Variants in GADL1 observed in about 807,000 individuals in gnomAD.
The protein encoded by GADL1 is acidic amino acid decarboxylase GADL1.
In GADL1, 71 loss-of-function variants were observed where a neutral mutation model predicts 69.5. That is an observed-to-expected ratio of 1.02 (90% CI 0.84 to 1.25). The LOEUF is 1.25. Among genes scored for constraint, GADL1 ranks in the 50% most tolerant of loss-of-function variants. The probability of loss-of-function intolerance (pLI) is 0.00; values close to 1 mark genes in which losing one functional copy is unlikely to be tolerated. For synonymous variants in GADL1, 254 were observed against 214.4 expected (o/e 1.18, Z -1.62); for missense variants, 737 against 631.8 (o/e 1.17, Z -1.79).
intron 1 of GADL1, among the ~76,000 whole-genome samples, chr3:30,883,916 A>C (rs1698673855): frequency 1.3e-5 from 2 of 152,062 alleles, no homozygotes. Flanking sequence ...TTTTTAAATA[A>C]AAATTTTAAT....
At chr3:30,766,138 A>T (rs1203721150) in intron 14 of GADL1, among the ~76,000 whole-genome samples, 1 of 152,210 alleles carries the variant, frequency 6.6e-6, no homozygotes, top group Non-Finnish European at 1.5e-5. Flanking sequence ...ATCATTCCCC[A>T]TTCAGAGGAA....
chr3:30,851,663 T>C (rs1698149319), intron 4 of GADL1, among the ~76,000 whole-genome samples: 1 of 151,880 alleles, frequency 6.6e-6, no homozygotes, highest in African/African-American at 2.4e-5. Context: ...CTGCTGGAGA[T>C]GTAAAGGCCT....
chr3:30,728,174 C>G lies in GADL1; in HGVS notation c.*68G>C. ...AGAAGGGCTGCAATCTACTGTGTAT[C>G]TCCAAGATGTTCTGGATCTAAACTC... On this transcript the variant is annotated 3_prime_UTR_variant, in exon 15 of 15. Transcript: ENST00000282538. 7.2e-7 allele frequency: 1 copy of G among 1,391,280 alleles called. No homozygotes were observed. Among genetic ancestry groups the G allele is most frequent in the East Asian group, 2.3e-5 (1 of 43,384 alleles). 86.2% of individuals were successfully genotyped at this position (1,391,280 alleles called of 1,614,324 possible).
intron 13 of GADL1, chr3:30,778,715 C>T (rs1696593201): frequency 6.4e-6 from 1 of 156,382 alleles, no homozygotes; most frequent in Non-Finnish European, 1.4e-5. Context: ...CTTTGATTAC[C>T]TGTGAGATGA....
Position 30,761,763 on chromosome 3 carries a change from CTT to C in GADL1, c.1392+16414_1392+16415del, listed in dbSNP as rs1276668678. Among the ~76,000 whole-genome samples the C allele has an allele frequency of 7.2e-5, 11 of 152,264 alleles. No homozygotes were observed. The South Asian group carries it at 1.7e-3, about 23-fold the overall frequency. ...ACCAGTAAGTAAAAAATCTGGAACA[CTT>C]TTTCTACCTTATCACTAGAGCATCC... On this transcript the variant is annotated intron_variant, in intron 14 of 14. Transcript: ENST00000282538.
intron 11 of GADL1, among the ~76,000 whole-genome samples, chr3:30,822,421 A>G (rs1697598881): frequency 1.3e-5 from 2 of 152,062 alleles, no homozygotes; most frequent in South Asian, 4.1e-4. Flanking sequence ...CTTTCGTGGT[A>G]ATGATGGCCG....
Position 30,800,930 on chromosome 3 carries a change from T to C in GADL1, c.1209A>G (p.Leu403=), listed in dbSNP as rs1697149629. 6.2e-7 allele frequency: 1 copy of C among 1,612,764 alleles called. No homozygotes were observed. Among genetic ancestry groups the C allele is most frequent in the Non-Finnish European group, 8.5e-7 (1 of 1,179,700 alleles). Residue 403 remains leucine, a synonymous_variant, in exon 12 of 15, where the codon TTA becomes TTG. Transcript: ENST00000282538. The stretch of plus-strand genomic sequence containing the variant: ...CACGATTAACTCTTTCTTCAAGGCC[T>C]AATGTACCCAGGGCCTTCCAGGTCA... ...FWMTWKALGT[L]GLEERVNRAL...
At chr3:30,799,154 TGGGGGCTCTGA>T (rs1343323090) in intron 12 of GADL1, 1 of 152,206 alleles carries the variant, frequency 6.6e-6, no homozygotes, top group Admixed American at 6.5e-5. Context: ...GGACTCTGTG[TGGGGGCTCTGA>T]CCCCACATTT....
intron 14 of GADL1, among the ~76,000 whole-genome samples, chr3:30,731,150 A>G (rs17026443): frequency 0.087 from 13,201 of 152,246 alleles, 1,513 homozygotes; most frequent in African/African-American, 0.26. Flanking sequence ...AGGGCCACAG[A>G]CTATCAGTTT....
At chr3:30,848,273 T>C (rs1290761036) in intron 6 of GADL1, among the ~76,000 whole-genome samples, 1 of 152,164 alleles carries the variant, frequency 6.6e-6, no homozygotes, top group Non-Finnish European at 1.5e-5. Context: ...GTTAAGAATC[T>C]CAGGCTAGAT....
intron 14 of GADL1, among the ~76,000 whole-genome samples, chr3:30,771,940 TAAATG>T (rs762530629): frequency 1.1e-4 from 16 of 152,086 alleles, no homozygotes; most frequent in African/African-American, 2.7e-4. Flanking sequence ...ATTCAGGAAA[TAAATG>T]GGGCAAGGAA....
At chr3:30,854,824 C>CAAAA (rs1559362051) in intron 3 of GADL1, 35 bp from the exon 4 acceptor site, 2 of 1,097,918 alleles carry the variant, frequency 1.8e-6, no homozygotes, top group Non-Finnish European at 1.3e-6. Flanking sequence ...ATCTATGCAG[C>CAAAA]AATAAAAAAA....
chr3:30,891,567 G>C (rs1034461513), intron 1 of GADL1, among the ~76,000 whole-genome samples: 3 of 152,042 alleles, frequency 2.0e-5, no homozygotes, highest in African/African-American at 7.2e-5. Context: ...TAGGAGTGTA[G>C]GGGTGCGGGA....
chr3:30,833,593 T>C (rs1697825749), intron 11 of GADL1, among the ~76,000 whole-genome samples: 1 of 152,090 alleles, frequency 6.6e-6, no homozygotes, highest in South Asian at 2.1e-4. Flanking sequence ...ATCCAAATGA[T>C]GGTGAGAGAG....
rs1696681819 is a variant in GADL1, at chr3:30,782,257, TGG to T, written c.1303-3991_1303-3990del. 2.6e-5 allele frequency among the ~76,000 whole-genome samples: 4 copies of T among 152,256 alleles called. No individual in the cohort carries two copies. In the South Asian group the frequency reaches 8.3e-4, roughly 32 times the overall value. On this transcript the variant is annotated intron_variant, in intron 13 of 14. Coordinates refer to ENST00000282538, the MANE Select transcript of GADL1 (RefSeq NM_207359.3). ...TTGAAAAGCTGCTCTAGCAGCAGTGTGGCAGTTAGGCTGGAGGGATCTAAGAC... is the reference window on the plus strand; with the variant it reads ...TTGAAAAGCTGCTCTAGCAGCAGTGTCAGTTAGGCTGGAGGGATCTAAGAC...
intron 14 of GADL1, among the ~76,000 whole-genome samples, chr3:30,776,865 T>C (rs961083503): frequency 6.6e-6 from 1 of 152,190 alleles, no homozygotes; most frequent in Non-Finnish European, 1.5e-5. Context: ...TGAATCACAT[T>C]CTCCCCTCTT....
At chr3:30,856,934 G>A (rs1698237676) in intron 3 of GADL1, 81 bp downstream of exon 3, 6 of 1,171,898 alleles carry the variant, frequency 5.1e-6, no homozygotes, top group South Asian at 1.5e-5. Flanking sequence ...CATAAGCATT[G>A]CTATACTCAG....
chr3:30,800,848 CACAG>C (rs1559503637), intron 12 of GADL1, 37 bp downstream of exon 12: 4 of 1,192,670 alleles, frequency 3.4e-6, no homozygotes, highest in East Asian at 5.1e-5. Flanking sequence ...CACACACACA[CACAG>C]AAAGAGAGAG....
chr3:30,839,594 T>C (rs1276374600), intron 8 of GADL1, among the ~76,000 whole-genome samples: 9 of 149,590 alleles, frequency 6.0e-5, no homozygotes, highest in Non-Finnish European at 1.3e-4. Flanking sequence ...GTAAAGTAAG[T>C]GCAGTTATAA....
Sources: gnomAD v4.1 joint callset for allele counts (sites outside exome capture counted in the v4.1 genomes callset) on GRCh38, gnomAD v4.1.1 for gene constraint, MANE v1.5 for transcripts, NCBI Gene and HGNC (gene_info 2026-07-23, HGNC 2026-07-21) for gene names.